The following SUGCT variants were observed in gnomAD, a reference collection of about 807,000 sequenced individuals.
The protein encoded by SUGCT is succinyl-CoA:glutarate CoA-transferase.
Under a neutral mutation model 55.0 loss-of-function variants are expected in SUGCT, and 41 were observed. The observed-to-expected ratio is 0.74, with a 90% CI of 0.58 to 0.97. SUGCT has a LOEUF of 0.97. Among genes scored for constraint, SUGCT ranks in the 50% least tolerant of loss-of-function variants. SUGCT has a pLI of 0.00. For synonymous variants in SUGCT, 187 were observed against 200.4 expected, an observed-to-expected ratio of 0.93 and a Z score of 0.56; for missense variants, 568 against 547.8, an observed-to-expected ratio of 1.04 and a Z score of -0.37.
intron 12 of SUGCT, among the ~76,000 whole-genome samples, chr7:40,603,795 A>G (rs1013111820): frequency 6.6e-6 from 1 of 152,206 alleles, no homozygotes; most frequent in South Asian, 2.1e-4. Context: ...ATTTAATTTG[A>G]CATTTCATGT....
intron 13 of SUGCT, among the ~76,000 whole-genome samples, chr7:40,846,327 G>T (rs1793554073): frequency 6.6e-6 from 1 of 151,530 alleles, no homozygotes; most frequent in Non-Finnish European, 1.5e-5. Context: ...TCACCCTTTT[G>T]AGTATTCGTG....
the SUGCT span, among the ~76,000 whole-genome samples, chr7:41,023,420 G>T: frequency 5.3e-5 from 8 of 152,014 alleles, no homozygotes; most frequent in Non-Finnish European, 8.8e-5. Context: ...TAATATTAAT[G>T]TTAGACAAAA....
chr7:40,917,687 A>G, the SUGCT span, among the ~76,000 whole-genome samples: 5 of 152,292 alleles, frequency 3.3e-5, no homozygotes, highest in East Asian at 5.8e-4. Flanking sequence ...AGTATTGGAG[A>G]CTGAGACATC....
At chr7:40,393,817 G>T (rs776692720) in intron 9 of SUGCT, among the ~76,000 whole-genome samples, 5 of 152,196 alleles carry the variant, frequency 3.3e-5, no homozygotes, top group African/African-American at 7.2e-5. Context: ...ACAGTCCAGT[G>T]ATTACACAGC....
intron 13 of SUGCT, among the ~76,000 whole-genome samples, chr7:40,768,416 T>C (rs146802894): frequency 7.7e-4 from 117 of 152,254 alleles, no homozygotes; most frequent in Non-Finnish European, 1.4e-3. Context: ...GATATAAGAA[T>C]GATGTTTCAA....
At chr7:40,486,030 A>C (rs1253719983) in intron 11 of SUGCT, among the ~76,000 whole-genome samples, 1 of 152,182 alleles carries the variant, frequency 6.6e-6, no homozygotes, top group Non-Finnish European at 1.5e-5. Context: ...TGGCCTTGTA[A>C]AATGAGTTTG....
the SUGCT span, among the ~76,000 whole-genome samples, chr7:40,998,365 C>A: frequency 2.1e-4 from 32 of 148,894 alleles, no homozygotes; most frequent in African/African-American, 7.8e-4. Context: ...GAGTAAGACT[C>A]TGAAAAAAAA....
At chr7:41,016,622 A>G in the SUGCT span, among the ~76,000 whole-genome samples, 2 of 152,244 alleles carry the variant, frequency 1.3e-5, no homozygotes, top group East Asian at 3.8e-4. Flanking sequence ...GCACCCAGCA[A>G]TAACTGTGGT....
At chr7:40,234,675 G>A (rs1788909069) in intron 6 of SUGCT, among the ~76,000 whole-genome samples, 1 of 152,100 alleles carries the variant, frequency 6.6e-6, no homozygotes, top group African/African-American at 2.4e-5. Context: ...TCGGGAGACT[G>A]AGGCTGGTGG....
At chr7:40,432,254 T>C (rs1234198839) in intron 9 of SUGCT, among the ~76,000 whole-genome samples, 1 of 152,226 alleles carries the variant, frequency 6.6e-6, no homozygotes, top group Admixed American at 6.5e-5. Context: ...ATAGTATTCT[T>C]GGTTAGAATT....
intron 7 of SUGCT, among the ~76,000 whole-genome samples, chr7:40,242,625 T>C (rs1249120560): frequency 6.6e-6 from 1 of 151,760 alleles, no homozygotes; most frequent in Non-Finnish European, 1.5e-5. Flanking sequence ...CTGATGTCTG[T>C]TGTATTTGCA....
intron 12 of SUGCT, among the ~76,000 whole-genome samples, chr7:40,622,477 C>G (rs147373374): frequency 1.4e-3 from 205 of 149,192 alleles, no homozygotes; most frequent in African/African-American, 4.9e-3. Flanking sequence ...AATGTGGAAG[C>G]TACTTTTTTC....
intron 12 of SUGCT, among the ~76,000 whole-genome samples, chr7:40,690,156 G>T (rs534580714): frequency 6.6e-6 from 1 of 152,108 alleles, no homozygotes; most frequent in African/African-American, 2.4e-5. Context: ...AAAGGATGCC[G>T]AAAACATGTG....
At chr7:40,971,182 T>C in the SUGCT span, among the ~76,000 whole-genome samples, 2 of 152,116 alleles carry the variant, frequency 1.3e-5, no homozygotes, top group Non-Finnish European at 2.9e-5. Context: ...GCATGTCACA[T>C]GGCAAGAGCG....
intron 12 of SUGCT, among the ~76,000 whole-genome samples, chr7:40,690,622 C>A (rs958555011): frequency 1.3e-5 from 2 of 152,000 alleles, no homozygotes; most frequent in African/African-American, 4.8e-5. Context: ...GGCTGTAGTG[C>A]AGTGGCTGGA....
At chr7:40,943,584 T>C in the SUGCT span, among the ~76,000 whole-genome samples, 21 of 150,554 alleles carry the variant, frequency 1.4e-4, no homozygotes, top group Non-Finnish European at 2.7e-4. Context: ...TCCAATTTCA[T>C]CCATGTCCCT....
intron 8 of SUGCT, among the ~76,000 whole-genome samples, chr7:40,307,190 G>A (rs1407762691): frequency 1.3e-5 from 2 of 152,120 alleles, no homozygotes; most frequent in African/African-American, 4.8e-5. Context: ...ATGTTTACAG[G>A]TAAAATATTT....
intron 12 of SUGCT, among the ~76,000 whole-genome samples, chr7:40,602,552 A>C (rs1798345510): frequency 6.6e-6 from 1 of 152,144 alleles, no homozygotes; most frequent in Non-Finnish European, 1.5e-5. Context: ...GACTGCCCTC[A>C]GTATTCCTTC....
At chr7:40,156,380 G>A (rs946370846) in intron 1 of SUGCT, among the ~76,000 whole-genome samples, 2 of 152,006 alleles carry the variant, frequency 1.3e-5, no homozygotes, top group African/African-American at 2.4e-5. Context: ...GGAGAATGGC[G>A]TGAACCCGGG....
Sources: gnomAD v4.1 joint callset for allele counts (sites outside exome capture counted in the v4.1 genomes callset) on GRCh38, gnomAD v4.1.1 for gene constraint, MANE v1.5 for transcripts, NCBI Gene and HGNC (gene_info 2026-07-23, HGNC 2026-07-21) for gene names.